The following LRWD1 variants were observed in gnomAD, a reference collection of about 807,000 sequenced individuals.
LRWD1 encodes the protein leucine-rich repeat and WD repeat-containing protein 1.
A neutral mutation model predicts 75.6 loss-of-function variants in LRWD1; 76 were observed. The observed-to-expected ratio is 1.01, with a 90% confidence interval of 0.84 to 1.22. The LOEUF (loss-of-function observed/expected upper bound fraction) is 1.22, where lower values mean the gene tolerates loss of function less well. Ranked by LOEUF, LRWD1 falls within the 50% of genes most tolerant of loss-of-function variation. The pLI is 0.00. For missense variants in LRWD1, 917 were observed against 862.0 expected (o/e 1.06, Z -0.80); for synonymous variants, 487 against 377.0 (o/e 1.29, Z -3.38).
rs139888436 is a variant in LRWD1 at position 102,472,717 on chromosome 7, T to C, written c.1716T>C (p.Asp572=). ...CPDKGIVLCG[D]EEGNVWLYDV... ...ATAAGGGGATTGTGCTCTGTGGGGA[T>C]GAGGAGGGCAACGTGTGGCTCTACG... The change falls in exon 14 of 15, where the codon GAT becomes GAC. Residue 572 remains aspartate, a synonymous_variant. Transcript: ENST00000292616. 340 of 1,613,540 alleles carry C rather than the reference T, an allele frequency of 2.1e-4. 2 individuals are homozygous for C. In the African/African-American group the frequency reaches 3.8e-3, roughly 18 times the overall value.
chr7:102,466,801 G>T (rs868130805), intron 3 of LRWD1, among the ~76,000 whole-genome samples: 3 of 109,664 alleles, frequency 2.7e-5, no homozygotes, highest in South Asian at 3.1e-4. Context: ...TTTTTTTAGA[G>T]ACAGGGTCTC....
At position 102,465,169 on chromosome 7, in the gene LRWD1, C is replaced by T. The variant is rs779006969; in HGVS notation, c.80+9C>T. 1.3e-6 allele frequency: 2 copies of T among 1,490,440 alleles called. No individual in the cohort carries two copies. The highest frequency in any genetic ancestry group is 1.8e-6 in the Non-Finnish European group (2 of 1,122,692). 92.3% of individuals were successfully genotyped at this position (1,490,440 alleles called of 1,614,324 possible). On this transcript the variant is annotated intron_variant, in intron 1 of 14. Transcript: ENST00000292616. ...AAGATCCGGAGTCTGGAGTAAGAGC[C>T]GGGCAGCGGGTGAGGCTGTGTCCTC...
Position 102,468,975 on chromosome 7 carries a change from G to T in LRWD1, c.1141G>T (p.Ala381Ser). 6.2e-7 allele frequency: 1 copy of T among 1,612,662 alleles called. No individual in the cohort carries two copies. The highest frequency in any genetic ancestry group is 8.5e-7 in the Non-Finnish European group (1 of 1,179,830). Residue 381 changes from alanine to serine, a missense_variant, in exon 9 of 15, where the codon GCC becomes TCC. Physicochemically the swap from Ala to Ser is moderately conservative, Grantham distance 99. Coordinates refer to ENST00000292616, the MANE Select transcript of LRWD1 (RefSeq NM_152892.3). Reference sequence around the variant, plus strand: ...CCTGGTCCGGCTGCTGCACGTGCGTGCCGGCTTCTGCTGCGGGGTCATCCG... The same window carrying T: ...CCTGGTCCGGCTGCTGCACGTGCGTTCCGGCTTCTGCTGCGGGGTCATCCG... ...RGLVRLLHVR[A>S]GFCCGVIRAH...
At chr7:102,467,162 TGTGTGTGGG>T (rs1798019966) in intron 3 of LRWD1, among the ~76,000 whole-genome samples, 168 bp from the exon 4 acceptor site, 2 of 14,068 alleles carry the variant, frequency 1.4e-4, no homozygotes, top group Admixed American at 1.4e-3. Context: ...GTTGCTGGGG[TGTGTGTGGG>T]GTGTGTGTGT....
intron 1 of LRWD1, chr7:102,465,523 T>TTTTTTTTTTTTTTTTTTTTTTTTTTTTG (rs1797940910): frequency 8.8e-6 from 1 of 113,526 alleles, no homozygotes; most frequent in African/African-American, 3.5e-5. Flanking sequence ...TTTTTTTTTT[T>TTTTTTTTTTTTTTTTTTTTTTTTTTTTG]TTGTTAAGTG....
rs779178949 is a variant in LRWD1 at position 102,468,226 on chromosome 7, G to T, written c.805-37G>T. The T allele has an allele frequency of 2.5e-6, 4 of 1,599,852 alleles. No individual in the cohort carries two copies. The African/African-American group carries it at 4.0e-5, about 16-fold the overall frequency. ...GCAAGGAGCAGGTGGCAGATGAGTC[G>T]GGGCTGGGCAGCTGTGACCCTTCTC... On this transcript the variant is annotated intron_variant, in intron 6 of 14. Coordinates refer to ENST00000292616, the MANE Select transcript of LRWD1 (RefSeq NM_152892.3).
chr7:102,469,132 TC>T, intron 9 of LRWD1, 70 bp downstream of exon 9: 1 of 1,379,256 alleles, frequency 7.3e-7, no homozygotes, highest in Non-Finnish European at 9.8e-7. Flanking sequence ...GCCTCCACGC[TC>T]CCCTCCCTGG....
chr7:102,472,168 GCTCT>G (rs755340945), intron 11 of LRWD1, 46 bp from the exon 12 acceptor site: 12 of 1,525,868 alleles, frequency 7.9e-6, no homozygotes, highest in Non-Finnish European at 1.1e-5. Context: ...TGAGTGGGCA[GCTCT>G]CTATCTGCAA....
At chr7:102,467,276 T>G in intron 3 of LRWD1, 63 bp from the exon 4 acceptor site, 5 of 1,529,986 alleles carry the variant, frequency 3.3e-6, no homozygotes, top group Non-Finnish European at 3.5e-6. Flanking sequence ...TTCCCTGAGA[T>G]GGAGGGCTGG....
chr7:102,466,124 A>G, intron 2 of LRWD1, 30 bp from the exon 3 acceptor site: 1 of 1,612,768 alleles, frequency 6.2e-7, no homozygotes, highest in Non-Finnish European at 8.5e-7. Context: ...GCATCTCCTG[A>G]GCCACTGCTC....
chr7:102,465,503 T>G (rs1410303176), intron 1 of LRWD1: 4 of 166,274 alleles, frequency 2.4e-5, no homozygotes, highest in South Asian at 2.1e-4. Context: ...TTTTTTTTTT[T>G]TTTTTTTTTT....
chr7:102,468,057 C>T lies in LRWD1; in HGVS notation c.679-5C>T, dbSNP rs1300436984. ...AGGCCCATGGTCACAAGGCCCCCTC[C>T]ACAGGCCAGACTGGCGGCCTTGAAA... On this transcript the variant is annotated splice_region_variant and splice_polypyrimidine_tract_variant and intron_variant, in intron 5 of 14. Transcript: ENST00000292616. 1 of 1,606,922 alleles carries T rather than the reference C, an allele frequency of 6.2e-7. No homozygotes were observed. Among genetic ancestry groups the T allele is most frequent in the East Asian group, 2.2e-5 (1 of 44,858 alleles).
chr7:102,465,269 T>G, intron 1 of LRWD1, 109 bp downstream of exon 1: 1 of 1,116,252 alleles, frequency 9.0e-7, no homozygotes, highest in South Asian at 2.0e-5. Context: ...CCCTCTGGGT[T>G]CGGCAGAGTG....
At chr7:102,465,722 A>G (rs1388123731) in intron 1 of LRWD1, 95 bp from the exon 2 acceptor site, 2 of 861,628 alleles carry the variant, frequency 2.3e-6, no homozygotes, top group South Asian at 3.0e-5. Context: ...TTGTACGAGA[A>G]ATGTCAGGTG....
At chr7:102,465,633 C>G (rs2133261267) in intron 1 of LRWD1, 184 bp from the exon 2 acceptor site, 2 of 591,078 alleles carry the variant, frequency 3.4e-6, no homozygotes, top group East Asian at 2.9e-5. Context: ...CAGCTGTGAG[C>G]TATGATCGCG....
In LRWD1 at chr7:102,468,851, C is replaced by G. The variant is rs758352774; in HGVS notation, c.1021-4C>G. ...AGTGACTGTTTACTCTAACCCCCGCCCAGGAGTTCTTTTCTGTGGCCTGGA... is the reference window on the plus strand; with the variant it reads ...AGTGACTGTTTACTCTAACCCCCGCGCAGGAGTTCTTTTCTGTGGCCTGGA... On this transcript the variant is annotated splice_region_variant and splice_polypyrimidine_tract_variant and intron_variant, in intron 8 of 14. Transcript: ENST00000292616. The G allele has an allele frequency of 1.9e-6, 3 of 1,609,936 alleles. No individual in the cohort carries two copies. Among genetic ancestry groups the G allele is most frequent in the Non-Finnish European group, 2.5e-6 (3 of 1,179,196 alleles).
intron 3 of LRWD1, 115 bp downstream of exon 3, chr7:102,466,385 C>T (rs1376401953): frequency 6.4e-6 from 5 of 776,728 alleles, no homozygotes; most frequent in East Asian, 5.1e-5. Context: ...CTCTTTGCCC[C>T]AACAGCCCCT....
chr7:102,469,327 G>A (rs905776936), intron 9 of LRWD1, among the ~76,000 whole-genome samples: 1 of 152,224 alleles, frequency 6.6e-6, no homozygotes, highest in Non-Finnish European at 1.5e-5. Flanking sequence ...CCCTGCCCCC[G>A]GGTGTGGCGC....
chr7:102,465,601 C>T lies in LRWD1; in HGVS notation c.81-216C>T, dbSNP rs1421310748. The T allele has an allele frequency of 2.5e-4, 118 of 470,874 alleles. 1 individual carries two copies. The East Asian group carries it at 4.2e-3, about 17-fold the overall frequency. The allele number at this position is 470,874 out of a possible 1,614,324, so 29.2% of individuals were successfully genotyped here. A position where few individuals can be genotyped will look rare whatever the true frequency, so the allele number is the denominator to read the frequency against. On this transcript the variant is annotated intron_variant, in intron 1 of 14. Transcript: ENST00000292616. ...ACTCGAGAGGCTGAGGCGGGAGGAT[C>T]CCTCAGCCCAGGAGTTGGAGGCAGC...
Sources: gnomAD v4.1 joint callset for allele counts (sites outside exome capture counted in the v4.1 genomes callset) on GRCh38, gnomAD v4.1.1 for gene constraint, MANE v1.5 for transcripts, NCBI Gene and HGNC (gene_info 2026-07-23, HGNC 2026-07-21) for gene names.